Variants in RNF17 observed in about 807,000 individuals in gnomAD.
The protein encoded by RNF17 is spermatogenesis associated 23.
Under a neutral mutation model 200.5 loss-of-function variants are expected in RNF17, and 31 were observed. The observed-to-expected ratio is 0.15, with a 90% CI of 0.12 to 0.21. The LOEUF is 0.21. Ranked by LOEUF, RNF17 falls within the 10% of genes least tolerant of loss-of-function variation. The probability of loss-of-function intolerance (pLI) is 1.00; values close to 1 mark genes in which losing one functional copy is unlikely to be tolerated. For synonymous variants in RNF17, 606 were observed against 637.8 expected, an observed-to-expected ratio of 0.95 and a Z score of 0.75; for missense variants, 1,628 against 1,905.1, an observed-to-expected ratio of 0.85 and a Z score of 2.71.
intron 15 of RNF17, among the ~76,000 whole-genome samples, chr13:24,817,730 A>AT (rs202107278): frequency 3.0e-4 from 45 of 149,344 alleles, no homozygotes; most frequent in African/African-American, 6.9e-4. Flanking sequence ...AAAAAAAAAA[A>AT]TTTTTTTTTT....
chr13:24,767,223 C>CAAT, intron 1 of RNF17, 49 bp from the exon 2 acceptor site: 4 of 1,249,922 alleles, frequency 3.2e-6, no homozygotes, highest in Non-Finnish European at 4.6e-6. Flanking sequence ...GACCCTGTCT[C>CAAT]AATAATCATC....
At chr13:24,824,368 TAGAA>T (rs1301622675) in intron 15 of RNF17, 8 of 473,084 alleles carry the variant, frequency 1.7e-5, no homozygotes, top group African/African-American at 7.9e-5. Flanking sequence ...AATATCTACT[TAGAA>T]AGGTAAGTTA....
chr13:24,786,181 A>G (rs1056447552), intron 6 of RNF17, among the ~76,000 whole-genome samples: 3 of 151,790 alleles, frequency 2.0e-5, no homozygotes, highest in Non-Finnish European at 4.4e-5. Context: ...CTTTTTGTGC[A>G]TAGTCTGTAA....
At chr13:24,768,814 A>G (rs1880187708) in intron 2 of RNF17, among the ~76,000 whole-genome samples, 1 of 152,052 alleles carries the variant, frequency 6.6e-6, no homozygotes, top group South Asian at 2.1e-4. Flanking sequence ...AGTTCTCCGT[A>G]AGCTTCCAGA....
At chr13:24,823,011 G>A (rs1040163331) in intron 15 of RNF17, among the ~76,000 whole-genome samples, 1 of 152,120 alleles carries the variant, frequency 6.6e-6, no homozygotes, top group East Asian at 1.9e-4. Context: ...AGAATTTCTT[G>A]TAAGGCAGGT....
chr13:24,805,697 TTCC>T (rs1885761383), intron 15 of RNF17, among the ~76,000 whole-genome samples: 2 of 152,196 alleles, frequency 1.3e-5, no homozygotes, highest in Non-Finnish European at 2.9e-5. Context: ...CTGCTTTCAG[TTCC>T]TCTGGTATGT....
intron 9 of RNF17, among the ~76,000 whole-genome samples, chr13:24,792,191 C>T (rs939461736): frequency 6.6e-6 from 1 of 152,168 alleles, no homozygotes; most frequent in Admixed American, 6.6e-5. Flanking sequence ...AACTATTCTG[C>T]CTCTTTAAGC....
chr13:24,835,393 C>G (rs1889872732), intron 18 of RNF17, among the ~76,000 whole-genome samples: 1 of 152,162 alleles, frequency 6.6e-6, no homozygotes, highest in African/African-American at 2.4e-5. Flanking sequence ...ATTAAACCAC[C>G]AAAGCTAAGA....
chr13:24,752,974 C>T, the RNF17 span, among the ~76,000 whole-genome samples: 1 of 152,186 alleles, frequency 6.6e-6, no homozygotes, highest in Non-Finnish European at 1.5e-5. Flanking sequence ...TACTCCCCCT[C>T]GCCCAGGCCA....
intron 15 of RNF17, among the ~76,000 whole-genome samples, chr13:24,812,333 A>G (rs1886764041): frequency 6.6e-6 from 1 of 151,814 alleles, no homozygotes; most frequent in South Asian, 2.1e-4. Context: ...TGTGCGGGAT[A>G]TAATCTCCTG....
chr13:24,855,002 A>G (rs1268077627), intron 25 of RNF17, among the ~76,000 whole-genome samples: 3 of 152,168 alleles, frequency 2.0e-5, no homozygotes, highest in African/African-American at 7.2e-5. Context: ...TTAGCTAATT[A>G]TCATTTCCTG....
At chr13:24,786,450 A>C (rs1313936750) in intron 6 of RNF17, among the ~76,000 whole-genome samples, 1 of 152,158 alleles carries the variant, frequency 6.6e-6, no homozygotes, top group Non-Finnish European at 1.5e-5. Context: ...AATTACACTA[A>C]TATTGGTTTT....
rs780974428 is a variant in RNF17 at position 24,861,324 on chromosome 13, T to C, written c.3831T>C (p.Pro1277=). The change falls in exon 27 of 36, where the codon CCT becomes CCC. Residue 1277 remains proline, a synonymous_variant. Transcript: ENST00000255324. ...TEKIPQCHLY[P]ILLYPDIPQF... is the part of the protein sequence containing the mutation. ...AGATTCCGCAGTGCCATCTTTACCC[T>C]ATTTTGCTGTATCCTGATATACCCC... is the stretch of plus-strand genomic sequence containing the variant. 4 of 1,591,572 alleles carry C rather than the reference T, an allele frequency of 2.5e-6. No individual in the cohort carries two copies. The highest frequency in any genetic ancestry group is 3.4e-6 in the Non-Finnish European group (4 of 1,166,598).
At chr13:24,856,602 C>G (rs563408272) in intron 25 of RNF17, among the ~76,000 whole-genome samples, 8 of 151,982 alleles carry the variant, frequency 5.3e-5, no homozygotes, top group Admixed American at 3.9e-4. Context: ...GTTAGTAGTC[C>G]TAGCTCATCG....
chr13:24,884,524 C>A, downstream of RNF17: 1 of 1,508,408 alleles, frequency 6.6e-7, no homozygotes, highest in South Asian at 1.1e-5. Flanking sequence ...ATGGCTAATT[C>A]TCCTCCCAAC....
In RNF17 at chr13:24,811,146, C is replaced by T. The variant is rs1399139085; in HGVS notation, c.2091+6717C>T. Among the ~76,000 whole-genome samples the T allele has an allele frequency of 4.0e-5, 6 of 150,562 alleles. 1 individual carries two copies. Among genetic ancestry groups the T allele is most frequent in the Middle Eastern group, 6.4e-3 (2 of 312 alleles). ...TGGAGTTGCTCTTCTCGAGGAGTATCTTTGTGGCGTTCTCTGTATTTCCTG... is the reference window on the plus strand; with the variant it reads ...TGGAGTTGCTCTTCTCGAGGAGTATTTTTGTGGCGTTCTCTGTATTTCCTG... On this transcript the variant is annotated intron_variant, in intron 15 of 35. Coordinates refer to ENST00000255324, the MANE Select transcript of RNF17 (RefSeq NM_031277.3).
chr13:24,787,647 C>A (rs969635973), intron 6 of RNF17, among the ~76,000 whole-genome samples: 6 of 152,178 alleles, frequency 3.9e-5, no homozygotes, highest in Non-Finnish European at 8.8e-5. Flanking sequence ...CCTAAAGAGT[C>A]TGAGCTCAGA....
At chr13:24,884,974 C>T in the RNF17 span, among the ~76,000 whole-genome samples, 1 of 152,192 alleles carries the variant, frequency 6.6e-6, no homozygotes, top group African/African-American at 2.4e-5. Context: ...AAGAATAAAA[C>T]TGTGCTAGCT....
At chr13:24,837,376 A>G (rs1370173771) in intron 18 of RNF17, among the ~76,000 whole-genome samples, 2 of 152,218 alleles carry the variant, frequency 1.3e-5, no homozygotes, top group African/African-American at 2.4e-5. Context: ...TGGACTTAAC[A>G]GATATATACA....
Sources: gnomAD v4.1 joint callset for allele counts (sites outside exome capture counted in the v4.1 genomes callset) on GRCh38, gnomAD v4.1.1 for gene constraint, MANE v1.5 for transcripts, NCBI Gene and HGNC (gene_info 2026-07-23, HGNC 2026-07-21) for gene names.